Variants in CDH12 observed in about 807,000 individuals in gnomAD.
The protein encoded by CDH12 is cadherin 12, also known as cadherin-12.
CDH12 carries 41 observed loss-of-function variants against 74.1 expected under a neutral mutation model. The observed-to-expected ratio is 0.55, with a 90% CI of 0.43 to 0.72. The LOEUF is 0.72. CDH12 is among the 30% of genes least tolerant of loss of function. The pLI is 0.00. For synonymous variants in CDH12, 399 were observed against 355.0 expected, an observed-to-expected ratio of 1.12 and a Z score of -1.39; for missense variants, 945 against 977.2, an observed-to-expected ratio of 0.97 and a Z score of 0.44.
At chr5:22,851,656 A>G (rs1737562156) in intron 1 of CDH12, among the ~76,000 whole-genome samples, 1 of 152,146 alleles carries the variant, frequency 6.6e-6, no homozygotes, top group South Asian at 2.1e-4. Context: ...CCTGTTTTGC[A>G]TGTGGCTATC....
At chr5:22,113,671 G>A (rs1744937719) in intron 4 of CDH12, among the ~76,000 whole-genome samples, 2 of 152,052 alleles carry the variant, frequency 1.3e-5, no homozygotes, top group South Asian at 2.1e-4. Flanking sequence ...TGAGGGCTGT[G>A]TCACAGGCCA....
At chr5:22,027,951 T>C (rs904498955) in intron 5 of CDH12, among the ~76,000 whole-genome samples, 8 of 152,166 alleles carry the variant, frequency 5.3e-5, no homozygotes, top group Non-Finnish European at 1.5e-5. Flanking sequence ...TGTGGGCATT[T>C]AGTGCTATAA....
chr5:22,187,164 A>C (rs1750001392), intron 4 of CDH12, among the ~76,000 whole-genome samples: 1 of 152,224 alleles, frequency 6.6e-6, no homozygotes, highest in Admixed American at 6.5e-5. Context: ...TCACACGAGC[A>C]CATATGAGGT....
intron 4 of CDH12, among the ~76,000 whole-genome samples, chr5:22,127,082 T>A (rs1211728398): frequency 6.6e-6 from 1 of 152,158 alleles, no homozygotes; most frequent in Non-Finnish European, 1.5e-5. Flanking sequence ...TACATATTCA[T>A]AGCATGCCGC....
chr5:22,592,332 T>C (rs904636769), intron 1 of CDH12, among the ~76,000 whole-genome samples: 1 of 152,154 alleles, frequency 6.6e-6, no homozygotes. Flanking sequence ...CAGTAATGTT[T>C]TCTTCTTTCC....
At chr5:22,444,678 C>T (rs1001510688) in intron 2 of CDH12, among the ~76,000 whole-genome samples, 1 of 151,880 alleles carries the variant, frequency 6.6e-6, no homozygotes, top group Non-Finnish European at 1.5e-5. Flanking sequence ...CCATTTACTG[C>T]AGTTGCTGAA....
intron 3 of CDH12, among the ~76,000 whole-genome samples, chr5:22,284,171 G>A (rs558599677): frequency 9.2e-5 from 14 of 152,106 alleles, no homozygotes; most frequent in African/African-American, 3.4e-4. Context: ...ATAGAACTTT[G>A]AAGAACTGCA....
chr5:22,213,314 G>A (rs1445925011), intron 3 of CDH12, among the ~76,000 whole-genome samples: 2 of 151,748 alleles, frequency 1.3e-5, no homozygotes, highest in Non-Finnish European at 2.9e-5. Context: ...ACCACGGCAT[G>A]AACACAGCCT....
chr5:21,760,220 G>A (rs1744640999), intron 13 of CDH12, among the ~76,000 whole-genome samples: 1 of 152,084 alleles, frequency 6.6e-6, no homozygotes. Context: ...TAATAAAACA[G>A]TTACTAAAGA....
At chr5:22,295,665 C>G (rs1428312680) in intron 3 of CDH12, among the ~76,000 whole-genome samples, 1 of 152,030 alleles carries the variant, frequency 6.6e-6, no homozygotes. Context: ...ATTCAGAAGC[C>G]TTTGAAAATT....
intron 2 of CDH12, among the ~76,000 whole-genome samples, chr5:22,463,122 TGA>T (rs1440663585): frequency 6.6e-6 from 1 of 152,118 alleles, no homozygotes; most frequent in Non-Finnish European, 1.5e-5. Flanking sequence ...AAATGATACA[TGA>T]GATAAAATAA....
chr5:21,904,482 T>G (rs1196379181), intron 6 of CDH12, among the ~76,000 whole-genome samples: 1 of 152,076 alleles, frequency 6.6e-6, no homozygotes, highest in Non-Finnish European at 1.5e-5. Flanking sequence ...GACTATAAAA[T>G]TGGGCTGGCG....
intron 1 of CDH12, among the ~76,000 whole-genome samples, chr5:22,737,472 A>G (rs533266316): frequency 6.6e-6 from 1 of 152,116 alleles, no homozygotes; most frequent in South Asian, 2.1e-4. Flanking sequence ...GTATTAGTGT[A>G]ATTAATCACC....
intron 1 of CDH12, among the ~76,000 whole-genome samples, chr5:22,824,850 AAATT>A (rs1022149043): frequency 1.3e-5 from 2 of 151,858 alleles, no homozygotes; most frequent in Non-Finnish European, 2.9e-5. Context: ...TGCATATCCA[AAATT>A]AATATATATG....
intron 1 of CDH12, among the ~76,000 whole-genome samples, chr5:22,658,289 T>C (rs112094894): frequency 0.024 from 3,629 of 152,158 alleles, 121 homozygotes; most frequent in African/African-American, 0.083. Context: ...AAAATACCCA[T>C]ATATACACAA....
intron 1 of CDH12, among the ~76,000 whole-genome samples, chr5:22,672,508 C>CT (rs1287640068): frequency 6.6e-6 from 1 of 152,074 alleles, no homozygotes; most frequent in African/African-American, 2.4e-5. Context: ...ATGAATCCAA[C>CT]TTGATGTTCT....
intron 7 of CDH12, among the ~76,000 whole-genome samples, chr5:21,844,110 C>G (rs555982813): frequency 6.6e-6 from 1 of 152,050 alleles, no homozygotes; most frequent in South Asian, 2.1e-4. Context: ...TATTTGCTGA[C>G]CTAAATAAAA....
chr5:22,286,269 T>C (rs1193732539), intron 3 of CDH12, among the ~76,000 whole-genome samples: 3 of 152,172 alleles, frequency 2.0e-5, no homozygotes, highest in Non-Finnish European at 4.4e-5. Context: ...AGAGAATAAA[T>C]GTCATGCTAG....
intron 4 of CDH12, among the ~76,000 whole-genome samples, chr5:22,119,798 C>T (rs1387020936): frequency 6.6e-6 from 1 of 152,106 alleles, no homozygotes; most frequent in Non-Finnish European, 1.5e-5. Flanking sequence ...TGACATATAT[C>T]TAACTTTCAA....
Sources: allele counts gnomAD v4.1 joint callset (sites outside exome capture counted in the v4.1 genomes callset), GRCh38; gene constraint gnomAD v4.1.1; transcripts MANE v1.5; gene names NCBI Gene and HGNC (gene_info 2026-07-23, HGNC 2026-07-21).